ENTREP2: variants seen among roughly 807,000 people sequenced by gnomAD.
ENTREP2 encodes endosomal transmembrane epsin interactor 2, also known as protein ENTREP2.
chr15:29,191,772 G>T, the ENTREP2 span, among the ~76,000 whole-genome samples: 1 of 152,128 alleles, frequency 6.6e-6, no homozygotes, highest in Non-Finnish European at 1.5e-5. Flanking sequence ...AAATTAGCTG[G>T]GCATGGTGGC....
the ENTREP2 span, among the ~76,000 whole-genome samples, chr15:29,272,243 C>G: frequency 6.6e-6 from 1 of 152,168 alleles, no homozygotes; most frequent in Non-Finnish European, 1.5e-5. Flanking sequence ...CACATTCCAC[C>G]TTGGATTGAT....
chr15:29,384,743 C>T, the ENTREP2 span, among the ~76,000 whole-genome samples: 1 of 152,128 alleles, frequency 6.6e-6, no homozygotes, highest in Admixed American at 6.5e-5. Flanking sequence ...TCCAGCACTC[C>T]CTTCCTGTCC....
the ENTREP2 span, among the ~76,000 whole-genome samples, chr15:29,295,743 G>A: frequency 6.6e-6 from 1 of 152,120 alleles, no homozygotes; most frequent in Admixed American, 6.6e-5. Context: ...ACTAAGTGAC[G>A]GCCACGTGGG....
chr15:29,137,633 GA>G, the ENTREP2 span, among the ~76,000 whole-genome samples: 3 of 152,100 alleles, frequency 2.0e-5, no homozygotes, highest in Non-Finnish European at 2.9e-5. Flanking sequence ...TCAGGATTTC[GA>G]AACCAGCTTG....
the ENTREP2 span, among the ~76,000 whole-genome samples, chr15:29,252,955 C>G: frequency 6.6e-6 from 1 of 152,182 alleles, no homozygotes; most frequent in African/African-American, 2.4e-5. Flanking sequence ...AATCCACTTA[C>G]GGCCAACTGT....
the ENTREP2 span, among the ~76,000 whole-genome samples, chr15:29,275,841 T>C: frequency 1.3e-5 from 2 of 152,300 alleles, no homozygotes; most frequent in Non-Finnish European, 1.5e-5. Flanking sequence ...AGAAAGGCAA[T>C]GATCAAAGCA....
chr15:29,133,255 C>CCA, the ENTREP2 span, among the ~76,000 whole-genome samples: 3 of 152,168 alleles, frequency 2.0e-5, no homozygotes, highest in Admixed American at 1.3e-4. Flanking sequence ...ATCTTCTCTC[C>CCA]TCTTTACCAA....
chr15:29,153,011 T>C, the ENTREP2 span, among the ~76,000 whole-genome samples: 1 of 152,252 alleles, frequency 6.6e-6, no homozygotes, highest in East Asian at 1.9e-4. Flanking sequence ...CTTTATAAAA[T>C]GTTTTATTTT....
At chr15:29,479,771 T>A in the ENTREP2 span, among the ~76,000 whole-genome samples, 1 of 151,934 alleles carries the variant, frequency 6.6e-6, no homozygotes, top group African/African-American at 2.4e-5. Context: ...CAATGAGAGA[T>A]CTGCCAGGAA....
At chr15:29,144,394 A>T in the ENTREP2 span, among the ~76,000 whole-genome samples, 1 of 152,180 alleles carries the variant, frequency 6.6e-6, no homozygotes, top group Non-Finnish European at 1.5e-5. Flanking sequence ...CCGCAAGGAA[A>T]AGTGCAGGCT....
At chr15:29,656,710 G>A in the ENTREP2 span, among the ~76,000 whole-genome samples, 1 of 152,196 alleles carries the variant, frequency 6.6e-6, no homozygotes, top group East Asian at 1.9e-4. Flanking sequence ...ATGCTCGCAA[G>A]GACGTGGTGC....
At chr15:29,243,096 G>A in the ENTREP2 span, among the ~76,000 whole-genome samples, 2 of 152,198 alleles carry the variant, frequency 1.3e-5, no homozygotes, top group African/African-American at 2.4e-5. Flanking sequence ...TGGGAAGCAC[G>A]TGGCTGAGTT....
At chr15:29,429,190 TATCC>T in the ENTREP2 span, among the ~76,000 whole-genome samples, 46,268 of 148,978 alleles carry the variant, frequency 0.31, 7,455 homozygotes, top group African/African-American at 0.35. Flanking sequence ...GATGTCTATC[TATCC>T]ATCCATCCAT....
chr15:29,342,582 G>A, the ENTREP2 span, among the ~76,000 whole-genome samples: 1 of 152,106 alleles, frequency 6.6e-6, no homozygotes, highest in Non-Finnish European at 1.5e-5. Context: ...GGTTGGGGGG[G>A]CATTTTACAC....
chr15:29,472,249 C>T, the ENTREP2 span, among the ~76,000 whole-genome samples: 1 of 152,082 alleles, frequency 6.6e-6, no homozygotes. Flanking sequence ...ATGCAATTCA[C>T]CCAGCATCAG....
At chr15:29,347,462 C>G in the ENTREP2 span, among the ~76,000 whole-genome samples, 1 of 152,058 alleles carries the variant, frequency 6.6e-6, no homozygotes, top group Admixed American at 6.6e-5. Context: ...TCAGCCACCA[C>G]GCTGAGCCTA....
the ENTREP2 span, among the ~76,000 whole-genome samples, chr15:29,339,364 GAGA>G: frequency 6.6e-6 from 1 of 152,230 alleles, no homozygotes; most frequent in East Asian, 1.9e-4. Flanking sequence ...TAGTGGGGTG[GAGA>G]TGGAACAGGT....
the ENTREP2 span, among the ~76,000 whole-genome samples, chr15:29,625,578 T>C: frequency 5.9e-3 from 900 of 152,086 alleles, 7 homozygotes; most frequent in African/African-American, 0.02. Context: ...GTATTTTTAG[T>C]GGAGACAGGG....
chr15:29,638,797 C>G, the ENTREP2 span, among the ~76,000 whole-genome samples: 4 of 148,970 alleles, frequency 2.7e-5, no homozygotes, highest in African/African-American at 7.3e-5. Context: ...CTGTGGCATT[C>G]ATTGCCTTTC....
Sources: gnomAD v4.1 joint callset for allele counts (sites outside exome capture counted in the v4.1 genomes callset) on GRCh38, gnomAD v4.1.1 for gene constraint, MANE v1.5 for transcripts, NCBI Gene and HGNC (gene_info 2026-07-23, HGNC 2026-07-21) for gene names.